Variants in EVL observed in about 807,000 individuals in gnomAD.
EVL encodes the protein ena/VASP-like protein.
Under a neutral mutation model 59.6 loss-of-function variants are expected in EVL, and 21 were observed. That is an observed-to-expected ratio of 0.35 (90% CI 0.25 to 0.51). The LOEUF is 0.51. Ranked by LOEUF, EVL falls within the 20% of genes least tolerant of loss-of-function variation. The pLI is 0.97. For synonymous variants in EVL, 198 were observed against 203.5 expected (o/e 0.97, Z 0.23); for missense variants, 462 against 546.6 (o/e 0.85, Z 1.54).
At chr14:100,137,388 A>G in intron 9 of EVL, 190 bp from the exon 10 acceptor site, 1 of 615,816 alleles carries the variant, frequency 1.6e-6, no homozygotes, top group Non-Finnish European at 2.9e-6. Flanking sequence ...GGTCAGGGTC[A>G]ACCTGACCTA....
At chr14:100,103,188 GTT>G (rs57176151) in intron 3 of EVL, among the ~76,000 whole-genome samples, 1 of 134,564 alleles carries the variant, frequency 7.4e-6, no homozygotes. Flanking sequence ...TTCCCAGAGA[GTT>G]TTTTTTTTTT....
At chr14:100,142,398 C>T (rs1237130656) in intron 13 of EVL, among the ~76,000 whole-genome samples, 1 of 152,230 alleles carries the variant, frequency 6.6e-6, no homozygotes, top group Non-Finnish European at 1.5e-5. Context: ...CCTTTGAATG[C>T]TCTGCCTCAG....
At chr14:100,116,326 C>T (rs1011358074) in intron 3 of EVL, among the ~76,000 whole-genome samples, 5 of 152,088 alleles carry the variant, frequency 3.3e-5, no homozygotes, top group Non-Finnish European at 5.9e-5. Context: ...AGGTGGCTGT[C>T]GTTTGTTGGC....
chr14:100,077,183 G>A (rs572954474), intron 1 of EVL, among the ~76,000 whole-genome samples: 4 of 152,308 alleles, frequency 2.6e-5, no homozygotes, highest in South Asian at 2.1e-4. Flanking sequence ...AACCAGAGGC[G>A]GGGGAACAGC....
At position 100,135,648 on chromosome 14, in the gene EVL, G is replaced by A. The variant is rs1888732962; in HGVS notation, c.901-257G>A. On this transcript the variant is annotated intron_variant, in intron 8 of 13. Coordinates refer to ENST00000392920, the MANE Select transcript of EVL (RefSeq NM_016337.3). ...GCTTGCGGGTGTTGAGGGCCAGAAG[G>A]AAGTTCTATATCACCCTGCTGAGAG... 7.0e-6 allele frequency: 3 copies of A among 428,168 alleles called. No homozygotes were observed. In the East Asian group the frequency reaches 1.3e-4, roughly 19 times the overall value. The allele number at this position is 428,168 out of a possible 1,614,324, so 26.5% of individuals were successfully genotyped here.
At chr14:99,988,125 A>T (rs900240359) in intron 1 of EVL, among the ~76,000 whole-genome samples, 4 of 151,986 alleles carry the variant, frequency 2.6e-5, no homozygotes, top group Non-Finnish European at 5.9e-5. Context: ...CATGTTGGTC[A>T]GGCTAGTCCC....
chr14:100,082,492 C>T (rs1237233331), intron 1 of EVL, among the ~76,000 whole-genome samples: 3 of 152,050 alleles, frequency 2.0e-5, no homozygotes, highest in Non-Finnish European at 4.4e-5. Flanking sequence ...TGGAGAGAAG[C>T]GAGTGGCATG....
chr14:100,122,774 CTG>C (rs1338695629), intron 3 of EVL, among the ~76,000 whole-genome samples: 1 of 152,244 alleles, frequency 6.6e-6, no homozygotes, highest in Non-Finnish European at 1.5e-5. Flanking sequence ...AGAAGCTTAA[CTG>C]TGGCACAGCA....
At chr14:100,097,422 C>G (rs1450720212) in intron 2 of EVL, 59 bp from the exon 3 acceptor site, 1 of 1,493,058 alleles carries the variant, frequency 6.7e-7, no homozygotes, top group African/African-American at 1.4e-5. Flanking sequence ...ATCGCAGCGC[C>G]CTCGAGCTCA....
chr14:100,018,379 G>A (rs1164177810), intron 1 of EVL, among the ~76,000 whole-genome samples: 1 of 152,248 alleles, frequency 6.6e-6, no homozygotes. Context: ...GAAGGTGTGT[G>A]AAGAGTTTTA....
intron 2 of EVL, among the ~76,000 whole-genome samples, chr14:100,090,473 AC>A (rs1161164375): frequency 6.6e-6 from 1 of 152,276 alleles, no homozygotes; most frequent in South Asian, 2.1e-4. Context: ...TAACCATGAT[AC>A]AAAAACTGCA....
intron 2 of EVL, among the ~76,000 whole-genome samples, chr14:100,096,534 TC>T (rs1595170718): frequency 6.6e-6 from 1 of 152,222 alleles, no homozygotes; most frequent in Admixed American, 6.5e-5. Flanking sequence ...CATATCACAT[TC>T]TTCTCCATTT....
intron 3 of EVL, among the ~76,000 whole-genome samples, chr14:100,101,511 C>T (rs1886222467): frequency 1.3e-5 from 2 of 151,336 alleles, no homozygotes; most frequent in Non-Finnish European, 2.9e-5. Flanking sequence ...GGTGTGGTGA[C>T]GCATGCCTAT....
intron 1 of EVL, among the ~76,000 whole-genome samples, chr14:99,992,197 T>C (rs1330802486): frequency 1.3e-5 from 2 of 152,182 alleles, no homozygotes; most frequent in African/African-American, 4.8e-5. Context: ...TTTTCTCTTA[T>C]AATTACTGAT....
At chr14:100,063,307 G>C (rs1486077642), upstream of EVL, among the ~76,000 whole-genome samples, 2 of 152,202 alleles carry the variant, frequency 1.3e-5, no homozygotes, top group African/African-American at 4.8e-5. Context: ...ACTGCTGCGT[G>C]CTTTGAAAGT....
chr14:99,994,900 G>A (rs60494081), intron 1 of EVL, among the ~76,000 whole-genome samples: 1 of 152,116 alleles, frequency 6.6e-6, no homozygotes, highest in Non-Finnish European at 1.5e-5. Flanking sequence ...TCATTTTGAA[G>A]GACAGTTTTG....
At chr14:100,046,483 A>G (rs990780889) in intron 1 of EVL, among the ~76,000 whole-genome samples, 1 of 152,056 alleles carries the variant, frequency 6.6e-6, no homozygotes, top group African/African-American at 2.4e-5. Context: ...CCTGGCTGAC[A>G]TGGCGAAACC....
intron 3 of EVL, among the ~76,000 whole-genome samples, chr14:100,117,035 G>T (rs1287227841): frequency 6.6e-6 from 1 of 152,222 alleles, no homozygotes; most frequent in African/African-American, 2.4e-5. Flanking sequence ...GACAGGACGG[G>T]GACCAAGGGA....
intron 1 of EVL, among the ~76,000 whole-genome samples, chr14:99,987,227 C>A (rs949384112): frequency 4.0e-5 from 6 of 151,858 alleles, no homozygotes; most frequent in Non-Finnish European, 5.9e-5. Flanking sequence ...TTGTGTGCTC[C>A]CAAAATTCAT....
Sources: allele counts gnomAD v4.1 joint callset (sites outside exome capture counted in the v4.1 genomes callset), GRCh38; gene constraint gnomAD v4.1.1; transcripts MANE v1.5; gene names NCBI Gene and HGNC (gene_info 2026-07-23, HGNC 2026-07-21).